Variants in HIGD1A observed in about 807,000 individuals in gnomAD.
The protein encoded by HIGD1A is HIG1 domain family member 1A, mitochondrial.
Under a neutral mutation model 11.3 loss-of-function variants are expected in HIGD1A, and 8 were observed. The ratio of observed to expected loss-of-function variants is 0.71; its 90% CI spans 0.42 to 1.28. HIGD1A has a LOEUF of 1.28. Among genes scored for constraint, HIGD1A ranks in the 50% most tolerant of loss-of-function variants. HIGD1A has a pLI of 0.01. For missense variants in HIGD1A, 107 were observed against 118.8 expected (o/e 0.90, Z 0.46); for synonymous variants, 32 against 38.4 (o/e 0.83, Z 0.62).
In HIGD1A at chr3:42,794,178, CTT is replaced by C. The variant is rs1232553597; in HGVS notation, c.74_75del (p.Lys25ArgfsTer22). On this transcript the variant is annotated frameshift_variant, in exon 2 of 4. Coordinates refer to ENST00000321331, the MANE Select transcript of HIGD1A (RefSeq NM_014056.4). LOFTEE classifies it high-confidence loss of function. ...DQGSKLIRKA[K>X]EAPFVPVGIA... ...TTACCAACGGGTACGAATGGTGCCTCTTTAGCTTTTCGAATGAGTTTTGATCC... is the reference window on the plus strand; with the variant it reads ...TTACCAACGGGTACGAATGGTGCCTCTAGCTTTTCGAATGAGTTTTGATCC... 1.9e-6 allele frequency: 3 copies of C among 1,604,776 alleles called. No individual in the cohort carries two copies. The highest frequency in any genetic ancestry group is 2.5e-6 in the Non-Finnish European group (3 of 1,177,226).
intron 1 of HIGD1A, among the ~76,000 whole-genome samples, chr3:42,801,275 T>C (rs1309138353): frequency 6.6e-6 from 1 of 152,224 alleles, no homozygotes; most frequent in African/African-American, 2.4e-5. Flanking sequence ...GCCACCATAC[T>C]GGACTCAGGT....
intron 2 of HIGD1A, 61 bp from the exon 3 acceptor site, chr3:42,786,223 T>A: frequency 1.3e-6 from 2 of 1,517,228 alleles, no homozygotes; most frequent in Non-Finnish European, 1.8e-6. Flanking sequence ...GACTTTACCA[T>A]CAGTCAATGT....
chr3:42,799,517 A>G (rs550351440), intron 1 of HIGD1A, among the ~76,000 whole-genome samples: 30 of 152,164 alleles, frequency 2.0e-4, no homozygotes, highest in African/African-American at 7.2e-4. Flanking sequence ...CTGGAGCACG[A>G]TCTCGATCTT....
Position 42,783,172 on chromosome 3 carries a change from A to C in HIGD1A, c.*2099T>G, listed in dbSNP as rs1324332357. On this transcript the variant is annotated 3_prime_UTR_variant, in exon 4 of 4. Transcript: ENST00000321331. ...ATGTGAGGATGACAACAGAATGTAA[A>C]TATTATATGTCCTCACAAGGTAGGA... Among the ~76,000 whole-genome samples the C allele has an allele frequency of 6.6e-6, 1 of 152,258 alleles. No individual in the cohort carries two copies. Among genetic ancestry groups the C allele is most frequent in the Non-Finnish European group, 1.5e-5 (1 of 68,044 alleles).
intron 3 of HIGD1A, 118 bp from the exon 4 acceptor site, chr3:42,785,438 G>GAATATTA: frequency 1.3e-6 from 1 of 748,364 alleles, no homozygotes; most frequent in South Asian, 1.7e-5. Flanking sequence ...ATTTACAAGG[G>GAATATTA]GAATAAGACC....
At chr3:42,787,436 C>CA (rs1700364565) in intron 2 of HIGD1A, among the ~76,000 whole-genome samples, 1 of 151,268 alleles carries the variant, frequency 6.6e-6, no homozygotes, top group South Asian at 2.1e-4. Context: ...ACTAAAAATA[C>CA]AAAAAATTAG....
At chr3:42,791,528 C>T (rs1184967134) in intron 2 of HIGD1A, among the ~76,000 whole-genome samples, 2 of 152,112 alleles carry the variant, frequency 1.3e-5, no homozygotes, top group Admixed American at 6.5e-5. Flanking sequence ...TATGGGAAAA[C>T]CAGCCCATCA....
At chr3:42,800,000 C>T (rs1399932349) in intron 1 of HIGD1A, among the ~76,000 whole-genome samples, 1 of 152,054 alleles carries the variant, frequency 6.6e-6, no homozygotes, top group Non-Finnish European at 1.5e-5. Context: ...TTATTTTAGG[C>T]CAGTATGTTT....
intron 2 of HIGD1A, among the ~76,000 whole-genome samples, chr3:42,791,470 C>G (rs942247471): frequency 6.6e-6 from 1 of 152,116 alleles, no homozygotes; most frequent in African/African-American, 2.4e-5. Flanking sequence ...ATGACCAATA[C>G]ATATGAAAAG....
intron 2 of HIGD1A, among the ~76,000 whole-genome samples, chr3:42,787,662 C>G (rs1488404917): frequency 1.4e-5 from 2 of 143,736 alleles, no homozygotes; most frequent in Non-Finnish European, 3.0e-5. Flanking sequence ...TCTAATATAG[C>G]AGCAAAATAA....
At chr3:42,800,616 T>C (rs1325953333) in intron 1 of HIGD1A, among the ~76,000 whole-genome samples, 1 of 140,492 alleles carries the variant, frequency 7.1e-6, no homozygotes, top group African/African-American at 2.7e-5. Context: ...AGTCAGAACA[T>C]TATTTTAATA....
At chr3:42,787,982 CCAAAACTTAGCAAT>C (rs1245972825) in intron 2 of HIGD1A, among the ~76,000 whole-genome samples, 14 of 149,774 alleles carry the variant, frequency 9.3e-5, no homozygotes, top group Admixed American at 7.5e-4. Context: ...TACCATAAGG[CCAAAACTTAGCAAT>C]CAAAACGTAA....
intron 2 of HIGD1A, among the ~76,000 whole-genome samples, chr3:42,788,143 T>C (rs527589443): frequency 6.6e-6 from 1 of 152,244 alleles, no homozygotes; most frequent in Non-Finnish European, 1.5e-5. Context: ...TACTGGTTCT[T>C]AGAACAAATA....
chr3:42,796,830 C>G (rs1364931172), intron 1 of HIGD1A, among the ~76,000 whole-genome samples: 1 of 150,348 alleles, frequency 6.7e-6, no homozygotes, highest in East Asian at 1.9e-4. Flanking sequence ...CAAAATATCT[C>G]AAGCACTGAT....
intron 2 of HIGD1A, among the ~76,000 whole-genome samples, chr3:42,792,178 CTT>C (rs1430582227): frequency 6.6e-6 from 1 of 152,090 alleles, no homozygotes; most frequent in African/African-American, 2.4e-5. Flanking sequence ...TTGCAACTAA[CTT>C]ATTAATTATA....
rs149603457 is a variant in HIGD1A at position 42,783,904 on chromosome 3, C to T, written c.*1367G>A. ...CAGCCTGGCCAACATGGTGAAACCT[C>T]GTCTCTACTAAATATACAAAAATTA... is the stretch of plus-strand genomic sequence containing the variant. On this transcript the variant is annotated 3_prime_UTR_variant, in exon 4 of 4. Transcript: ENST00000321331. 6.5e-3 allele frequency among the ~76,000 whole-genome samples: 989 copies of T among 152,086 alleles called. 10 individuals carry two copies. Among genetic ancestry groups the T allele is most frequent in the African/African-American group, 0.023 (938 of 41,494 alleles).
chr3:42,790,697 A>G (rs1700412959), intron 2 of HIGD1A, among the ~76,000 whole-genome samples: 1 of 152,360 alleles, frequency 6.6e-6, no homozygotes, highest in East Asian at 1.9e-4. Flanking sequence ...GATGCACCAC[A>G]TTCTAAAATT....
intron 2 of HIGD1A, among the ~76,000 whole-genome samples, chr3:42,793,593 T>A (rs536692331): frequency 2.0e-5 from 3 of 152,236 alleles, no homozygotes; most frequent in African/African-American, 7.2e-5. Flanking sequence ...CATTTTTGAG[T>A]CTTATGAGTC....
At position 42,793,121 on chromosome 3, in the gene HIGD1A, T is replaced by C. The variant is rs140659198; in HGVS notation, c.97+1036A>G. Among the ~76,000 whole-genome samples the C allele has an allele frequency of 4.4e-3, 662 of 152,168 alleles. 7 individuals are homozygous for C. Among genetic ancestry groups the C allele is most frequent in the African/African-American group, 0.015 (622 of 41,504 alleles). On this transcript the variant is annotated intron_variant, in intron 2 of 3. Transcript: ENST00000321331. Reference sequence around the variant, plus strand: ...AAAAACAACTGGAGAAATATGTACATCAAAATGGTAACAACAGTTATATCT... The same window carrying C: ...AAAAACAACTGGAGAAATATGTACACCAAAATGGTAACAACAGTTATATCT...
Sources: allele counts gnomAD v4.1 joint callset (sites outside exome capture counted in the v4.1 genomes callset), GRCh38; gene constraint gnomAD v4.1.1; transcripts MANE v1.5; gene names NCBI Gene and HGNC (gene_info 2026-07-23, HGNC 2026-07-21).